Variants in UVRAG observed in about 807,000 individuals in gnomAD.
The protein encoded by UVRAG is UV radiation resistance-associated gene protein.
A neutral mutation model predicts 78.0 loss-of-function variants in UVRAG; 19 were observed. The ratio of observed to expected loss-of-function variants is 0.24; its 90% CI spans 0.17 to 0.36. The LOEUF is 0.36. UVRAG is among the 10% of genes least tolerant of loss of function. The probability of loss-of-function intolerance (pLI) is 1.00; values close to 1 mark genes in which losing one functional copy is unlikely to be tolerated. For synonymous variants in UVRAG, 323 were observed against 324.6 expected (o/e 1.00, Z 0.05); for missense variants, 740 against 853.8 (o/e 0.87, Z 1.66).
At chr11:75,825,144 T>C (rs935950900) in intron 1 of UVRAG, among the ~76,000 whole-genome samples, 4 of 151,952 alleles carry the variant, frequency 2.6e-5, no homozygotes, top group Admixed American at 2.6e-4. Flanking sequence ...GTTACCCTGT[T>C]GTCGCCCAGA....
chr11:76,066,713 C>T (rs1221405278), intron 13 of UVRAG, among the ~76,000 whole-genome samples: 1 of 152,148 alleles, frequency 6.6e-6, no homozygotes, highest in Admixed American at 6.5e-5. Flanking sequence ...CCTCGTGATC[C>T]GCCTGCCTCA....
At chr11:75,949,738 CATAT>C (rs61611526) in intron 6 of UVRAG, among the ~76,000 whole-genome samples, 34 of 148,432 alleles carry the variant, frequency 2.3e-4, no homozygotes, top group Middle Eastern at 3.6e-3. Context: ...CACATATACA[CATAT>C]ATATATACAC....
chr11:76,055,873 C>T (rs1397502429), intron 12 of UVRAG, among the ~76,000 whole-genome samples: 27 of 152,130 alleles, frequency 1.8e-4, no homozygotes. Context: ...CCACACCTGG[C>T]TAATTTTTTG....
intron 12 of UVRAG, among the ~76,000 whole-genome samples, chr11:76,023,542 CAAGGGA>C (rs1950282473): frequency 6.6e-6 from 1 of 152,006 alleles, no homozygotes; most frequent in Admixed American, 6.6e-5. Flanking sequence ...AGGTGAGGAA[CAAGGGA>C]AAGTGACTTG....
At chr11:76,007,971 G>A (rs1042674013) in intron 10 of UVRAG, among the ~76,000 whole-genome samples, 6 of 151,602 alleles carry the variant, frequency 4.0e-5, no homozygotes, top group East Asian at 1.9e-4. Context: ...GCAGTGATGC[G>A]ATCTTGGCTC....
chr11:76,059,546 C>G (rs998046220), intron 12 of UVRAG, among the ~76,000 whole-genome samples: 3 of 152,200 alleles, frequency 2.0e-5, no homozygotes, highest in African/African-American at 4.8e-5. Flanking sequence ...TTGGTTATCA[C>G]AGCTGGGAGT....
chr11:75,879,651 G>C (rs973044931), intron 3 of UVRAG, among the ~76,000 whole-genome samples: 8 of 152,198 alleles, frequency 5.3e-5, no homozygotes, highest in Non-Finnish European at 1.2e-4. Flanking sequence ...GTGAGTGATA[G>C]GAATATACGC....
intron 13 of UVRAG, among the ~76,000 whole-genome samples, chr11:76,069,101 A>G (rs1380410676): frequency 2.6e-5 from 4 of 152,252 alleles, no homozygotes; most frequent in African/African-American, 7.2e-5. Flanking sequence ...TAGTAGTAAA[A>G]TCACTTTTTT....
chr11:76,043,574 T>C (rs1329752972), intron 12 of UVRAG, among the ~76,000 whole-genome samples: 1 of 152,214 alleles, frequency 6.6e-6, no homozygotes, highest in Non-Finnish European at 1.5e-5. Context: ...GTGTCTCTAG[T>C]AGTATATTCA....
intron 11 of UVRAG, among the ~76,000 whole-genome samples, chr11:76,013,341 C>G (rs543566040): frequency 6.6e-6 from 1 of 152,092 alleles, no homozygotes; most frequent in South Asian, 2.1e-4. Context: ...ATTTTCAAGC[C>G]CCTTAAAAGT....
chr11:75,933,988 A>G (rs2135115186), intron 6 of UVRAG, among the ~76,000 whole-genome samples: 1 of 152,358 alleles, frequency 6.6e-6, no homozygotes, highest in South Asian at 2.1e-4. Flanking sequence ...TGATGTAGCA[A>G]TCCCACTGCT....
chr11:76,128,329 A>G (rs1952450520), intron 14 of UVRAG, among the ~76,000 whole-genome samples: 1 of 152,198 alleles, frequency 6.6e-6, no homozygotes, highest in Non-Finnish European at 1.5e-5. Context: ...CTGAGATGGA[A>G]TCGTTTCATC....
At chr11:76,057,721 T>C (rs1951009190) in intron 12 of UVRAG, among the ~76,000 whole-genome samples, 1 of 152,174 alleles carries the variant, frequency 6.6e-6, no homozygotes, top group Non-Finnish European at 1.5e-5. Flanking sequence ...AGATGTTTTT[T>C]TTTTTCCCCC....
chr11:76,123,780 T>C (rs1466439664), intron 14 of UVRAG, among the ~76,000 whole-genome samples: 1 of 151,932 alleles, frequency 6.6e-6, no homozygotes, highest in Non-Finnish European at 1.5e-5. Flanking sequence ...TGTTTTGTTT[T>C]GTTGAGATGG....
intron 2 of UVRAG, among the ~76,000 whole-genome samples, chr11:75,858,101 G>T: frequency 6.6e-6 from 1 of 150,910 alleles, no homozygotes; most frequent in African/African-American, 2.4e-5. Context: ...ACACATACTA[G>T]GCCTTCAAAT....
At chr11:75,930,006 CCTTACAT>C (rs1267851793) in intron 6 of UVRAG, among the ~76,000 whole-genome samples, 1 of 152,174 alleles carries the variant, frequency 6.6e-6, no homozygotes, top group Non-Finnish European at 1.5e-5. Context: ...GCGTTATTCA[CCTTACAT>C]TATCATATAG....
chr11:76,072,667 T>C (rs1414710117), intron 13 of UVRAG, among the ~76,000 whole-genome samples: 1 of 152,242 alleles, frequency 6.6e-6, no homozygotes, highest in Non-Finnish European at 1.5e-5. Context: ...AATGTGAAGA[T>C]GAATTGGCCA....
chr11:76,129,637 A>G (rs115980383), intron 14 of UVRAG, among the ~76,000 whole-genome samples: 1,558 of 152,330 alleles, frequency 0.01, 30 homozygotes, highest in African/African-American at 0.035. Context: ...AAGCCAGGCA[A>G]AAACCTTTGT....
chr11:75,932,292 T>G (rs531419338), intron 6 of UVRAG, among the ~76,000 whole-genome samples: 73 of 151,364 alleles, frequency 4.8e-4, no homozygotes, highest in African/African-American at 1.7e-3. Flanking sequence ...TTTATTTATT[T>G]ATTTATTTAT....
Sources: allele counts gnomAD v4.1 joint callset (sites outside exome capture counted in the v4.1 genomes callset), GRCh38; gene constraint gnomAD v4.1.1; transcripts MANE v1.5; gene names NCBI Gene and HGNC (gene_info 2026-07-23, HGNC 2026-07-21).